Variants in SH3PXD2A observed in about 807,000 individuals in gnomAD.
SH3PXD2A encodes SH3 and PX domains 2A.
In SH3PXD2A, 32 loss-of-function variants were observed where a neutral mutation model predicts 115.2. That is an observed-to-expected ratio of 0.28 (90% CI 0.21 to 0.37). The LOEUF (loss-of-function observed/expected upper bound fraction) is 0.37. Among genes scored for constraint, SH3PXD2A ranks in the 10% least tolerant of loss-of-function variants. The pLI is 1.00. For missense variants in SH3PXD2A, 1,328 were observed against 1,498.7 expected, an observed-to-expected ratio of 0.89 and a Z score of 1.88; for synonymous variants, 610 against 629.1, an observed-to-expected ratio of 0.97 and a Z score of 0.45.
intron 1 of SH3PXD2A, among the ~76,000 whole-genome samples, chr10:103,826,880 A>C (rs1469503051): frequency 6.6e-6 from 1 of 152,202 alleles, no homozygotes; most frequent in African/African-American, 2.4e-5. Flanking sequence ...TAAGGTTGGC[A>C]AAGGGTAGCA....
In SH3PXD2A at chr10:103,605,876, C is replaced by T. The variant is rs1204200041; in HGVS notation, c.1350G>A (p.Glu450=). ...ATTCGGCAATGGTGTAGTACTCCACCTCAACAGAAGGGGGCTCTGGTGGCT... is the reference window on the plus strand; with the variant it reads ...ATTCGGCAATGGTGTAGTACTCCACTTCAACAGAAGGGGGCTCTGGTGGCT... The part of the protein sequence containing the change: ...LPKPPEPPSV[E]VEYYTIAEFQ... The change falls in exon 14 of 15, where the codon GAG becomes GAA. Residue 450 remains glutamate (E), a synonymous_variant. Coordinates refer to ENST00000369774, the MANE Select transcript of SH3PXD2A (RefSeq NM_001394015.1). 3.7e-6 allele frequency: 6 copies of T among 1,613,844 alleles called. No homozygotes were observed. In the East Asian group the frequency reaches 8.9e-5, roughly 24 times the overall value.
At position 103,627,022 on chromosome 10, in the gene SH3PXD2A, G is replaced by A; in HGVS notation, c.718+67C>T. 3 of 856,378 alleles carry A rather than the reference G, an allele frequency of 3.5e-6. No individual in the cohort carries two copies. Among genetic ancestry groups the A allele is most frequent in the South Asian group, 2.8e-5 (2 of 71,834 alleles). The allele number at this position is 856,378 out of a possible 1,614,324, so 53.0% of individuals were successfully genotyped here. On this transcript the variant is annotated intron_variant, in intron 9 of 14. Transcript: ENST00000369774. This position sits in a 1 kb window ranked among gnomAD's most constrained non-coding sequence, Gnocchi z 4.4. ...CTTTAGGGGTTCTGTTGGTTCTAGG[G>A]AAAGAGTGAGAGAGCTGCCTCCAGA... is the stretch of plus-strand genomic sequence containing the variant.
At position 103,698,374 on chromosome 10, in the gene SH3PXD2A, C is replaced by T. The variant is rs571349857; in HGVS notation, c.399-5318G>A. Among the ~76,000 whole-genome samples the T allele has an allele frequency of 2.4e-4, 37 of 152,382 alleles. 1 individual carries two copies. Among genetic ancestry groups the T allele is most frequent in the East Asian group, 3.9e-4 (2 of 5,186 alleles). Reference sequence around the variant, plus strand: ...AAGTGCCTTGGCAGAGAAGGACACACACACAAACTTCCAGCCTGATGTTCT... The same window carrying T: ...AAGTGCCTTGGCAGAGAAGGACACATACACAAACTTCCAGCCTGATGTTCT... On this transcript the variant is annotated intron_variant, in intron 5 of 14. Transcript: ENST00000369774.
At chr10:103,810,283 G>T (rs929827020) in intron 1 of SH3PXD2A, among the ~76,000 whole-genome samples, 1 of 152,202 alleles carries the variant, frequency 6.6e-6, no homozygotes, top group East Asian at 1.9e-4. Context: ...TATCCAGTGA[G>T]TGCTGACCTC....
At chr10:103,829,630 G>C (rs143829878) in intron 1 of SH3PXD2A, among the ~76,000 whole-genome samples, 167 of 152,360 alleles carry the variant, frequency 1.1e-3, no homozygotes, top group African/African-American at 3.9e-3. Flanking sequence ...AGGGCAGAAA[G>C]ACCGTGATGC....
intron 8 of SH3PXD2A, among the ~76,000 whole-genome samples, chr10:103,650,897 A>G (rs1296510710): frequency 6.6e-6 from 1 of 152,256 alleles, no homozygotes; most frequent in Non-Finnish European, 1.5e-5. Flanking sequence ...ATGGGAAGAC[A>G]GGGACAGCTG....
chr10:103,847,286 A>C (rs561153892), intron 1 of SH3PXD2A, among the ~76,000 whole-genome samples: 119 of 151,954 alleles, frequency 7.8e-4, no homozygotes, highest in Non-Finnish European at 1.4e-3. Context: ...GCTAGACTAC[A>C]GGTGTTCATC....
chr10:103,785,926 C>T (rs534317722), intron 2 of SH3PXD2A, among the ~76,000 whole-genome samples: 4 of 151,780 alleles, frequency 2.6e-5, no homozygotes, highest in East Asian at 2.0e-4. Flanking sequence ...AGAGCGTAGA[C>T]GGAGGCTCAG....
At chr10:103,726,134 CAGG>C (rs2038238596) in intron 4 of SH3PXD2A, among the ~76,000 whole-genome samples, 1 of 152,152 alleles carries the variant, frequency 6.6e-6, no homozygotes. Context: ...GGGCTAGAGC[CAGG>C]AGAAGACAGG....
chr10:103,669,162 C>T (rs1288846665), intron 6 of SH3PXD2A, among the ~76,000 whole-genome samples: 1 of 152,228 alleles, frequency 6.6e-6, no homozygotes. Flanking sequence ...CCTGATGTGT[C>T]ATCCAGCCCT....
intron 3 of SH3PXD2A, among the ~76,000 whole-genome samples, chr10:103,739,087 T>G (rs193078342): frequency 7.8e-4 from 118 of 152,246 alleles, no homozygotes; most frequent in African/African-American, 2.6e-3. Flanking sequence ...AAAAACTAGT[T>G]AAGGAGCACT....
chr10:103,773,615 AT>A (rs1308493239), intron 2 of SH3PXD2A, among the ~76,000 whole-genome samples: 1 of 150,474 alleles, frequency 6.6e-6, no homozygotes, highest in Non-Finnish European at 1.5e-5. Flanking sequence ...AATATTTTGT[AT>A]TTTTAGTAGA....
chr10:103,794,242 A>G (rs1390923412), intron 2 of SH3PXD2A, among the ~76,000 whole-genome samples: 1 of 152,216 alleles, frequency 6.6e-6, no homozygotes. Context: ...GCTTGTCAAA[A>G]TAGGTTAAGT....
chr10:103,690,689 A>G (rs2037739588), intron 6 of SH3PXD2A, among the ~76,000 whole-genome samples: 1 of 152,280 alleles, frequency 6.6e-6, no homozygotes, highest in African/African-American at 2.4e-5. Context: ...AACATCTAGA[A>G]TAATGCTTGA....
chr10:103,841,671 A>G (rs1589480247), intron 1 of SH3PXD2A, among the ~76,000 whole-genome samples: 1 of 151,322 alleles, frequency 6.6e-6, no homozygotes, highest in Non-Finnish European at 1.5e-5. Flanking sequence ...CTCTCACTCC[A>G]CTCAGGCCAC....
chr10:103,602,219 T>C lies in SH3PXD2A; in HGVS notation c.2999A>G (p.Asn1000Ser). The part of the protein sequence containing the change: ...DNNLSCALRR[N>S]ESLTATDGLR... ...GCCATCAGTGGCCGTGAGTGACTCA[T>C]TCCTCCGCAGGGCGCAGGACAGGTT... Residue 1000 changes from asparagine to serine, a missense_variant, in exon 15 of 15, where the codon AAT (asparagine) becomes AGT (serine). Coordinates refer to ENST00000369774, the MANE Select transcript of SH3PXD2A (RefSeq NM_001394015.1). 1 of 1,594,704 alleles carries C rather than the reference T, an allele frequency of 6.3e-7. No homozygotes were observed. Among genetic ancestry groups the C allele is most frequent in the Non-Finnish European group, 8.6e-7 (1 of 1,169,148 alleles).
At position 103,627,278 on chromosome 10, in the gene SH3PXD2A, G is replaced by A. The variant is rs980240624; in HGVS notation, c.605-76C>T. 2 of 826,270 alleles carry A rather than the reference G, an allele frequency of 2.4e-6. No homozygotes were observed. The highest frequency in any genetic ancestry group is 4.1e-6 in the Non-Finnish European group (2 of 485,368). 51.2% of individuals were successfully genotyped at this position (826,270 alleles called of 1,614,324 possible). ...GGGGTGGCTCGGGGGCCAGGACAAG[G>A]ATGGAAGGAGAGGCACAAGAAGCGG... On this transcript the variant is annotated intron_variant, in intron 8 of 14. Coordinates refer to ENST00000369774, the MANE Select transcript of SH3PXD2A (RefSeq NM_001394015.1). The surrounding 1 kb of genome is among the most constrained non-coding windows in gnomAD (Gnocchi z 4.4).
At chr10:103,758,742 C>A (rs2038668748) in intron 3 of SH3PXD2A, among the ~76,000 whole-genome samples, 1 of 152,194 alleles carries the variant, frequency 6.6e-6, no homozygotes, top group Non-Finnish European at 1.5e-5. Flanking sequence ...AGACAAAATA[C>A]CTCCAGTGGA....
At chr10:103,682,982 C>T (rs1296749668) in intron 6 of SH3PXD2A, among the ~76,000 whole-genome samples, 1 of 152,140 alleles carries the variant, frequency 6.6e-6, no homozygotes, top group Admixed American at 6.6e-5. Flanking sequence ...ATACACTCTC[C>T]ATGACTTCCT....
Sources: allele counts gnomAD v4.1 joint callset (sites outside exome capture counted in the v4.1 genomes callset), GRCh38; gene constraint gnomAD v4.1.1; non-coding constraint Gnocchi (gnomAD v3.1); transcripts MANE v1.5; gene names NCBI Gene and HGNC (gene_info 2026-07-23, HGNC 2026-07-21).